Variants in CPSF7 observed in about 807,000 individuals in gnomAD.
CPSF7 encodes the protein cleavage and polyadenylation specific factor 7, also known as cleavage and polyadenylation specificity factor subunit 7.
In CPSF7, 1 loss-of-function variant was observed where a neutral mutation model predicts 44.3. The observed-to-expected ratio is 0.02, with a 90% confidence interval of 0.01 to 0.11. The LOEUF (loss-of-function observed/expected upper bound fraction) is 0.11, where lower values mean the gene tolerates loss of function less well. Among genes scored for constraint, CPSF7 ranks in the 10% least tolerant of loss-of-function variants. CPSF7 has a pLI of 1.00. For synonymous variants in CPSF7, 202 were observed against 222.0 expected, an observed-to-expected ratio of 0.91 and a Z score of 0.80; for missense variants, 443 against 607.2, an observed-to-expected ratio of 0.73 and a Z score of 2.84.
rs945068357 is a variant in CPSF7 at position 61,403,706 on chromosome 11, G to C, written c.*1004C>G. The stretch of plus-strand genomic sequence containing the variant: ...CATGCTTACATCAAACCTGAAAAAA[G>C]AAAAGCCTATGGAAGTAGGCCATAT... On this transcript the variant is annotated 3_prime_UTR_variant, in exon 10 of 10. Coordinates refer to ENST00000439958, the MANE Select transcript of CPSF7 (RefSeq NM_001142565.3). The C allele has an allele frequency of 6.6e-6, 1 of 152,142 alleles. No individual in the cohort carries two copies. The highest frequency in any genetic ancestry group is 2.4e-5 in the African/African-American group (1 of 41,408). The allele number at this position is 152,142 out of a possible 1,614,324, so 9.4% of individuals were successfully genotyped here.
intron 9 of CPSF7, 59 bp downstream of exon 9, chr11:61,410,879 C>CTATA (rs1158998332): frequency 6.7e-7 from 1 of 1,489,880 alleles, no homozygotes; most frequent in Non-Finnish European, 9.0e-7. Flanking sequence ...GAATTCTTCA[C>CTATA]TATAAATCTT....
At chr11:61,410,177 A>G (rs1859727473) in intron 9 of CPSF7, among the ~76,000 whole-genome samples, 1 of 151,838 alleles carries the variant, frequency 6.6e-6, no homozygotes, top group Admixed American at 6.6e-5. Flanking sequence ...AGATCACTGC[A>G]GCCTCGACCT....
intron 7 of CPSF7, 25 bp downstream of exon 7, chr11:61,415,641 G>A (rs1296286100): frequency 1.4e-6 from 2 of 1,416,016 alleles, no homozygotes; most frequent in Non-Finnish European, 2.0e-6. Context: ...TAAGGAGAAG[G>A]CAGCAAAGGT....
chr11:61,429,086 G>T, intron 2 of CPSF7, 96 bp downstream of exon 2: 1 of 754,504 alleles, frequency 1.3e-6, no homozygotes. Context: ...GCGTGTTCAA[G>T]CCTAGGACTG....
intron 5 of CPSF7, among the ~76,000 whole-genome samples, chr11:61,418,724 CTTTTTTT>C (rs58703617): frequency 1.4e-5 from 2 of 144,718 alleles, no homozygotes; most frequent in African/African-American, 5.0e-5. Context: ...TTTCTTTTTT[CTTTTTTT>C]TTTTTGAGAC....
intron 7 of CPSF7, 72 bp from the exon 8 acceptor site, chr11:61,412,009 C>CA (rs1346410330): frequency 7.3e-7 from 1 of 1,371,568 alleles, no homozygotes; most frequent in African/African-American, 1.4e-5. Context: ...AAGGAGAACT[C>CA]AGGCAGACAC....
At chr11:61,415,611 C>T in intron 7 of CPSF7, 55 bp downstream of exon 7, 1 of 1,172,866 alleles carries the variant, frequency 8.5e-7, no homozygotes, top group South Asian at 1.2e-5. Context: ...ATGACAAAAT[C>T]AGGAAAAAAA....
At chr11:61,424,690 T>C (rs995402171) in intron 2 of CPSF7, among the ~76,000 whole-genome samples, 1 of 152,206 alleles carries the variant, frequency 6.6e-6, no homozygotes, top group African/African-American at 2.4e-5. Context: ...GGACCTCAGG[T>C]GATCCTCCCA....
intron 9 of CPSF7, 173 bp downstream of exon 9, chr11:61,410,765 T>C: frequency 1.7e-6 from 1 of 585,234 alleles, no homozygotes; most frequent in Non-Finnish European, 2.9e-6. Context: ...AATCTCAGGG[T>C]AAGACTCCCC....
At chr11:61,415,622 A>T in intron 7 of CPSF7, 44 bp downstream of exon 7, 1 of 1,286,088 alleles carries the variant, frequency 7.8e-7, no homozygotes, top group Non-Finnish European at 1.1e-6. Flanking sequence ...AGGAAAAAAA[A>T]GTAAAGGTTA....
At chr11:61,411,172 T>G in intron 8 of CPSF7, 67 bp from the exon 9 acceptor site, 1 of 1,482,682 alleles carries the variant, frequency 6.7e-7, no homozygotes, top group African/African-American at 1.4e-5. Context: ...TGTGGTGTTT[T>G]GGTGTCTTCT....
intron 9 of CPSF7, among the ~76,000 whole-genome samples, chr11:61,408,782 G>A (rs1859568088): frequency 6.6e-6 from 1 of 152,190 alleles, no homozygotes. Context: ...GATAAAGTCT[G>A]GATGACACAG....
chr11:61,411,515 A>G (rs955060641), intron 8 of CPSF7, among the ~76,000 whole-genome samples: 5 of 152,100 alleles, frequency 3.3e-5, no homozygotes, highest in African/African-American at 1.2e-4. Context: ...GGGCTCCAAA[A>G]CCCATGTTCT....
At chr11:61,414,934 T>A (rs1235286908) in intron 7 of CPSF7, among the ~76,000 whole-genome samples, 1 of 152,124 alleles carries the variant, frequency 6.6e-6, no homozygotes, top group East Asian at 1.9e-4. Context: ...GTAATCAGAT[T>A]TCATAGCAAA....
intron 2 of CPSF7, chr11:61,428,779 G>A (rs967260658): frequency 3.2e-5 from 5 of 153,916 alleles, no homozygotes; most frequent in Admixed American, 6.5e-5. Flanking sequence ...CACGATGGAG[G>A]GGACTACACT....
intron 1 of CPSF7, chr11:61,429,584 T>C (rs1590756123): frequency 4.2e-6 from 3 of 706,848 alleles, no homozygotes; most frequent in East Asian, 3.0e-5. Flanking sequence ...TAGGACGGCG[T>C]TGCGAAGAAT....
intron 2 of CPSF7, among the ~76,000 whole-genome samples, chr11:61,423,198 A>G (rs1431633814): frequency 1.7e-5 from 2 of 115,626 alleles, no homozygotes; most frequent in Non-Finnish European, 3.3e-5. Flanking sequence ...TTTGAGACAC[A>G]GTCTTGCTCC....
Position 61,429,936 on chromosome 11 carries a change from G to A in CPSF7, c.-78C>T, listed in dbSNP as rs1861807406. 5.6e-6 allele frequency: 8 copies of A among 1,425,778 alleles called. No homozygotes were observed. In the South Asian group the frequency reaches 9.3e-5, roughly 17 times the overall value. 88.3% of individuals were successfully genotyped at this position (1,425,778 alleles called of 1,614,324 possible). Reference sequence around the variant, plus strand: ...TACCGGGAATATGGCGGCGGCGGCGGCGAGTCCGGACTAGGCCCGAAGCGC... The same window carrying A: ...TACCGGGAATATGGCGGCGGCGGCGACGAGTCCGGACTAGGCCCGAAGCGC... On this transcript the variant is annotated 5_prime_UTR_variant, in exon 1 of 10. Transcript: ENST00000439958.
intron 3 of CPSF7, chr11:61,420,855 T>C: frequency 7.9e-6 from 4 of 506,318 alleles, no homozygotes; most frequent in Non-Finnish European, 1.1e-5. Context: ...CATTGACAGC[T>C]AGCAATTTTT....
Sources: gnomAD v4.1 joint callset for allele counts (sites outside exome capture counted in the v4.1 genomes callset) on GRCh38, gnomAD v4.1.1 for gene constraint, MANE v1.5 for transcripts, NCBI Gene and HGNC (gene_info 2026-07-23, HGNC 2026-07-21) for gene names.